TPCN1: variants seen among roughly 807,000 people sequenced by gnomAD.
The protein encoded by TPCN1 is two pore segment channel 1.
A neutral mutation model predicts 108.8 loss-of-function variants in TPCN1; 52 were observed. The ratio of observed to expected loss-of-function variants is 0.48; its 90% confidence interval spans 0.38 to 0.60. TPCN1 has a LOEUF of 0.60. TPCN1 is among the 20% of genes least tolerant of loss of function. TPCN1 has a pLI of 0.00. For missense variants in TPCN1, 806 were observed against 1,072.8 expected, an observed-to-expected ratio of 0.75 and a Z score of 3.47; for synonymous variants, 446 against 433.7, an observed-to-expected ratio of 1.03 and a Z score of -0.35.
intron 7 of TPCN1, among the ~76,000 whole-genome samples, chr12:113,270,470 T>TGTTTG (rs1029122195): frequency 7.9e-5 from 12 of 151,272 alleles, no homozygotes; most frequent in Non-Finnish European, 1.3e-4. Context: ...GCCTCTTTTT[T>TGTTTG]GTTTGTTTTG....
chr12:113,264,783 T>TA (rs1232534420), intron 3 of TPCN1, among the ~76,000 whole-genome samples: 3 of 152,084 alleles, frequency 2.0e-5, no homozygotes, highest in African/African-American at 7.2e-5. Flanking sequence ...CAAAGTAGGG[T>TA]ATGGGGAATC....
intron 2 of TPCN1, among the ~76,000 whole-genome samples, chr12:113,252,639 C>T (rs1412293143): frequency 3.9e-5 from 6 of 152,206 alleles, no homozygotes; most frequent in African/African-American, 4.8e-5. Flanking sequence ...TCTGTGTTGC[C>T]GGTGCCAGCC....
chr12:113,279,345 ATG>A (rs1191314168), intron 14 of TPCN1, among the ~76,000 whole-genome samples: 1,271 of 87,728 alleles, frequency 0.014, 9 homozygotes, highest in Non-Finnish European at 0.017. Context: ...GTGTATATAT[ATG>A]TGTGTGTGTG....
intron 2 of TPCN1, among the ~76,000 whole-genome samples, chr12:113,239,968 C>A (rs1038958420): frequency 7.9e-5 from 12 of 152,124 alleles, no homozygotes; most frequent in African/African-American, 2.7e-4. Flanking sequence ...CTGCCGGCTG[C>A]GCTGCCTTTC....
chr12:113,293,066 G>C lies in TPCN1; in HGVS notation c.2246G>C (p.Arg749Thr), dbSNP rs764272795. Reference protein sequence around the residue: ...RLLETLSQMERYQQHSMVFLG... With the variant: ...RLLETLSQMETYQQHSMVFLG... ...CTGGAGACCCTCTCCCAGATGGAGA[G>C]ATACCAGGTGAGGAGCCCAGGCCCT... The change falls in exon 26 of 28, where the codon AGA (arginine) becomes ACA (threonine). Residue 749 changes from arginine (R) to threonine (T), a missense_variant. Coordinates refer to ENST00000335509, the MANE Select transcript of TPCN1 (RefSeq NM_017901.6). The C allele has an allele frequency of 6.2e-7, 1 of 1,611,642 alleles. No individual in the cohort carries two copies. Among genetic ancestry groups the C allele is most frequent in the African/African-American group, 1.3e-5 (1 of 75,006 alleles).
chr12:113,289,493 C>T lies in TPCN1; in HGVS notation c.1797-635C>T, dbSNP rs1165130854. ...GAAGCCTATAGCAGTGGGTCCCAGA[C>T]TTTAGAGCCCATTGCAGTCACCAGG... is the stretch of plus-strand genomic sequence containing the variant. On this transcript the variant is annotated intron_variant, in intron 21 of 27. Coordinates refer to ENST00000335509, the MANE Select transcript of TPCN1 (RefSeq NM_017901.6). The surrounding 1 kb of genome is among the most constrained non-coding windows in gnomAD (Gnocchi z 4.1). Among the ~76,000 whole-genome samples, 1 of 152,208 alleles carries T rather than the reference C, an allele frequency of 6.6e-6. No individual in the cohort carries two copies. The highest frequency in any genetic ancestry group is 6.5e-5 in the Admixed American group (1 of 15,276).
intron 2 of TPCN1, among the ~76,000 whole-genome samples, chr12:113,257,710 TGA>T (rs1372553546): frequency 6.6e-6 from 1 of 152,188 alleles, no homozygotes; most frequent in Non-Finnish European, 1.5e-5. Context: ...AAGCCCTGAA[TGA>T]ATGTTCATAG....
intron 22 of TPCN1, among the ~76,000 whole-genome samples, chr12:113,290,684 C>G (rs754956744): frequency 1.3e-5 from 2 of 152,330 alleles, no homozygotes; most frequent in Middle Eastern, 6.8e-3. Flanking sequence ...CACCCCAGAT[C>G]TGCACCCAGT....
In TPCN1 at chr12:113,284,951, G is replaced by A. The variant is rs1209865524; in HGVS notation, c.1453+180G>A. Among the ~76,000 whole-genome samples the A allele has an allele frequency of 6.6e-6, 1 of 152,194 alleles. No individual in the cohort carries two copies. The highest frequency in any genetic ancestry group is 2.4e-5 in the African/African-American group (1 of 41,446). On this transcript the variant is annotated intron_variant, in intron 17 of 27. Transcript: ENST00000335509. This position sits in a 1 kb window ranked among gnomAD's most constrained non-coding sequence, Gnocchi z 4.1. ...CTTTCGTGGTTGTCCGCTGCCCTCTGGATGGAGCCCAGATCCTAGGCGTGT... is the reference window on the plus strand; with the variant it reads ...CTTTCGTGGTTGTCCGCTGCCCTCTAGATGGAGCCCAGATCCTAGGCGTGT...
At chr12:113,281,762 C>T (rs1444956511) in intron 15 of TPCN1, among the ~76,000 whole-genome samples, 3 of 152,076 alleles carry the variant, frequency 2.0e-5, no homozygotes, top group African/African-American at 4.8e-5. Context: ...TGGTCTCAAG[C>T]TCCTGGCCTC....
At chr12:113,287,185 C>T in intron 19 of TPCN1, 91 bp downstream of exon 19, 2 of 1,082,526 alleles carry the variant, frequency 1.8e-6, no homozygotes, top group Non-Finnish European at 2.8e-6. Flanking sequence ...CAGAATGAGC[C>T]AGAAGGTTCA....
At chr12:113,235,266 A>G (rs1953840760) in intron 2 of TPCN1, among the ~76,000 whole-genome samples, 1 of 152,180 alleles carries the variant, frequency 6.6e-6, no homozygotes, top group African/African-American at 2.4e-5. Flanking sequence ...TCTCCCAGGA[A>G]ACCCTGCATC....
rs902063751 is a variant in TPCN1, at chr12:113,296,980, C to G, written c.*904C>G. 6.6e-6 allele frequency: 1 copy of G among 152,276 alleles called. No homozygotes were observed. 9.4% of individuals were successfully genotyped at this position (152,276 alleles called of 1,614,324 possible). A position where few individuals can be genotyped will look rare whatever the true frequency, so the allele number is the denominator to read the frequency against. Reference sequence around the variant, plus strand: ...TAAAGCCGATACCAGGTCCTTCACACGTGTGCACTAGGAACAGGAGCGAAC... The same window carrying G: ...TAAAGCCGATACCAGGTCCTTCACAGGTGTGCACTAGGAACAGGAGCGAAC... On this transcript the variant is annotated 3_prime_UTR_variant, in exon 28 of 28. Coordinates refer to ENST00000335509, the MANE Select transcript of TPCN1 (RefSeq NM_017901.6).
chr12:113,229,620 C>T (rs1953603988), intron 2 of TPCN1, among the ~76,000 whole-genome samples: 1 of 152,230 alleles, frequency 6.6e-6, no homozygotes, highest in Admixed American at 6.5e-5. Context: ...TCCCAAGTAG[C>T]TGGGATTACA....
chr12:113,223,435 C>CTTTTTTTTTTTTTTTTTTTTTTTTT (rs1172851714), intron 1 of TPCN1, among the ~76,000 whole-genome samples: 2 of 120,294 alleles, frequency 1.7e-5, no homozygotes, highest in East Asian at 2.5e-4. Flanking sequence ...TCTGCTGAGT[C>CTTTTTTTTTTTTTTTTTTTTTTTTT]TTTTTTTTTT....
intron 15 of TPCN1, among the ~76,000 whole-genome samples, chr12:113,283,176 A>G (rs760517069): frequency 6.6e-6 from 1 of 152,226 alleles, no homozygotes; most frequent in African/African-American, 2.4e-5. Flanking sequence ...TATCCCTGTC[A>G]CTTCCCACAG....
rs2136617177 is a variant in TPCN1, at chr12:113,266,928, T to C, written c.414+572T>C. Among the ~76,000 whole-genome samples the C allele has an allele frequency of 6.6e-6, 1 of 152,326 alleles. No homozygotes were observed. Among genetic ancestry groups the C allele is most frequent in the East Asian group, 1.9e-4 (1 of 5,192 alleles). ...CCAGCCTGGCCTCCAAGGCCCTCCATGACTCAGTTTCCCTTCCTGTTTCTC... is the reference window on the plus strand; with the variant it reads ...CCAGCCTGGCCTCCAAGGCCCTCCACGACTCAGTTTCCCTTCCTGTTTCTC... On this transcript the variant is annotated intron_variant, in intron 4 of 27. Transcript: ENST00000335509. The surrounding 1 kb of genome is among the most constrained non-coding windows in gnomAD (Gnocchi z 4.2).
rs1036390176 is a variant in TPCN1 at position 113,269,845 on chromosome 12, G to A, written c.748G>A (p.Gly250Ser). The change falls in exon 7 of 28, where the codon GGT (glycine) becomes AGT (serine). Residue 250 changes from glycine (G) to serine (S), a missense_variant and splice_region_variant. Physicochemically the swap from Gly to Ser is moderately conservative, Grantham distance 56 (BLOSUM62 0). Transcript: ENST00000335509. The surrounding 1 kb of genome is among the most constrained non-coding windows in gnomAD (Gnocchi z 5.0). ...CTTCATGATCATCTTTGCCATCCTC[G>A]GTGAGTTCCCGCCTCTCAGGCCCAG... is the stretch of plus-strand genomic sequence containing the variant. ...LFFMIIFAIL[G>S]FYLFSPNPSD... 2.5e-6 allele frequency: 4 copies of A among 1,613,578 alleles called. No individual in the cohort carries two copies. The highest frequency in any genetic ancestry group is 1.3e-5 in the African/African-American group (1 of 74,864).
intron 11 of TPCN1, 31 bp from the exon 12 acceptor site, chr12:113,277,209 G>C: frequency 6.2e-7 from 1 of 1,611,360 alleles, no homozygotes; most frequent in South Asian, 1.1e-5. Flanking sequence ...GGAGTAGCCT[G>C]GGTTCCACAC....
Sources: gnomAD v4.1 joint callset for allele counts (sites outside exome capture counted in the v4.1 genomes callset) on GRCh38, gnomAD v4.1.1 for gene constraint, Gnocchi (gnomAD v3.1) non-coding constraint, MANE v1.5 for transcripts, NCBI Gene and HGNC (gene_info 2026-07-23, HGNC 2026-07-21) for gene names.